Variants in MAF observed in about 807,000 individuals in gnomAD.
MAF encodes the protein MAF bZIP transcription factor.
Under a neutral mutation model 22.0 loss-of-function variants are expected in MAF, and 10 were observed. The observed-to-expected ratio is 0.45, with a 90% CI of 0.28 to 0.77. The LOEUF is 0.77. Ranked by LOEUF, MAF falls within the 30% of genes least tolerant of loss-of-function variation. The pLI is 0.12. For synonymous variants in MAF, 337 were observed against 255.8 expected (o/e 1.32, Z -3.03); for missense variants, 544 against 548.4 (o/e 0.99, Z 0.08).
At chr16:79,381,324 C>G in the MAF span, among the ~76,000 whole-genome samples, 2 of 152,142 alleles carry the variant, frequency 1.3e-5, no homozygotes, top group African/African-American at 4.8e-5. Flanking sequence ...AACCATAGGT[C>G]AGAGAGTCAG....
At chr16:79,212,306 G>A in the MAF span, 4 of 922,886 alleles carry the variant, frequency 4.3e-6, 1 homozygote, top group South Asian at 5.7e-5. Context: ...AACTGCTGGG[G>A]AGACAAATCT....
the MAF span, among the ~76,000 whole-genome samples, chr16:79,538,289 G>T: frequency 6.6e-6 from 1 of 152,312 alleles, no homozygotes; most frequent in South Asian, 2.1e-4. Flanking sequence ...CACAGTACAA[G>T]ATGCATATAC....
the MAF span, among the ~76,000 whole-genome samples, chr16:79,268,215 C>T: frequency 2.0e-5 from 3 of 152,100 alleles, no homozygotes; most frequent in Non-Finnish European, 4.4e-5. Flanking sequence ...TCAGCTACCC[C>T]CTCTCCCCCA....
the MAF span, among the ~76,000 whole-genome samples, chr16:79,307,852 G>T: frequency 6.6e-6 from 1 of 152,188 alleles, no homozygotes; most frequent in South Asian, 2.1e-4. Flanking sequence ...CGAAGAGACT[G>T]AATTTTATAG....
chr16:79,570,549 G>C, the MAF span, among the ~76,000 whole-genome samples: 3 of 152,184 alleles, frequency 2.0e-5, no homozygotes, highest in Admixed American at 2.0e-4. Context: ...AGCAATAGCA[G>C]ATATACATTT....
the MAF span, among the ~76,000 whole-genome samples, chr16:79,343,659 A>T: frequency 2.0e-5 from 3 of 152,226 alleles, no homozygotes; most frequent in Non-Finnish European, 2.9e-5. Flanking sequence ...GGCCATTTAT[A>T]TTAGCAGACT....
the MAF span, among the ~76,000 whole-genome samples, chr16:79,224,212 A>C: frequency 6.6e-6 from 1 of 152,236 alleles, no homozygotes; most frequent in African/African-American, 2.4e-5. Flanking sequence ...TAACATATGC[A>C]AATCAGTAAA....
the MAF span, among the ~76,000 whole-genome samples, chr16:79,228,166 G>C: frequency 6.6e-6 from 1 of 152,096 alleles, no homozygotes; most frequent in Non-Finnish European, 1.5e-5. Context: ...GCCTCCCAAA[G>C]GGAGGTTGGG....
chr16:79,308,931 C>T, the MAF span, among the ~76,000 whole-genome samples: 1 of 152,152 alleles, frequency 6.6e-6, no homozygotes, highest in African/African-American at 2.4e-5. Flanking sequence ...GTGGGCCCTT[C>T]TGGGGTGATG....
At chr16:79,244,144 G>C in the MAF span, among the ~76,000 whole-genome samples, 1 of 152,014 alleles carries the variant, frequency 6.6e-6, no homozygotes, top group South Asian at 2.1e-4. Flanking sequence ...CATGTCTTTT[G>C]AAAACCGGCA....
chr16:79,404,454 C>T, the MAF span, among the ~76,000 whole-genome samples: 5 of 152,060 alleles, frequency 3.3e-5, no homozygotes, highest in South Asian at 2.1e-4. Context: ...AGCCACCACG[C>T]GTGGCCTGGA....
chr16:79,512,952 G>C, the MAF span, among the ~76,000 whole-genome samples: 2 of 152,180 alleles, frequency 1.3e-5, no homozygotes, highest in African/African-American at 4.8e-5. Context: ...GCGAGAGAGG[G>C]GCTGAGTTGC....
chr16:79,242,094 A>C, the MAF span, among the ~76,000 whole-genome samples: 1 of 152,048 alleles, frequency 6.6e-6, no homozygotes, highest in Non-Finnish European at 1.5e-5. Flanking sequence ...AAACATACCA[A>C]ATTGTAAAGA....
chr16:79,395,544 A>AG, the MAF span, among the ~76,000 whole-genome samples: 1 of 152,144 alleles, frequency 6.6e-6, no homozygotes, highest in Non-Finnish European at 1.5e-5. Flanking sequence ...AGAGGCACTG[A>AG]GGGGCAGGAA....
chr16:79,296,681 A>G, the MAF span, among the ~76,000 whole-genome samples: 2 of 150,742 alleles, frequency 1.3e-5, no homozygotes, highest in Non-Finnish European at 2.9e-5. Flanking sequence ...TAGAGTCTTG[A>G]TCTAATTCCT....
chr16:79,420,004 GTTT>G, the MAF span, among the ~76,000 whole-genome samples: 1 of 148,736 alleles, frequency 6.7e-6, no homozygotes, highest in Non-Finnish European at 1.5e-5. Context: ...GTAACACACG[GTTT>G]TTTTTTTTCT....
At chr16:79,553,375 T>C in the MAF span, among the ~76,000 whole-genome samples, 2 of 152,148 alleles carry the variant, frequency 1.3e-5, no homozygotes, top group Admixed American at 6.5e-5. Context: ...CAGAGACCCA[T>C]AGAGGAGGGG....
chr16:79,570,011 CTTTTTTTT>C, the MAF span, among the ~76,000 whole-genome samples: 1 of 116,962 alleles, frequency 8.5e-6, no homozygotes, highest in Non-Finnish European at 1.8e-5. Context: ...TGTCTTTGTT[CTTTTTTTT>C]TTTTTTTTTT....
chr16:79,581,812 T>C (rs143279702), downstream of MAF, among the ~76,000 whole-genome samples: 8 of 152,308 alleles, frequency 5.3e-5, no homozygotes, highest in African/African-American at 1.7e-4. Context: ...GGATTGTTAA[T>C]TACGTGTTAA....
Sources: gnomAD v4.1 joint callset for allele counts (sites outside exome capture counted in the v4.1 genomes callset) on GRCh38, gnomAD v4.1.1 for gene constraint, MANE v1.5 for transcripts, NCBI Gene and HGNC (gene_info 2026-07-23, HGNC 2026-07-21) for gene names.